Variants in RAD51B observed in about 807,000 individuals in gnomAD.
The protein encoded by RAD51B is DNA repair protein RAD51 homolog 2.
Under a neutral mutation model 42.2 loss-of-function variants are expected in RAD51B, and 38 were observed. The ratio of observed to expected loss-of-function variants is 0.90; its 90% confidence interval spans 0.70 to 1.18. RAD51B has a LOEUF of 1.18. Ranked by LOEUF, RAD51B falls within the 50% of genes most tolerant of loss-of-function variation. RAD51B has a pLI of 0.00. For missense variants in RAD51B, 373 were observed against 400.7 expected (o/e 0.93, Z 0.59); for synonymous variants, 154 against 145.2 (o/e 1.06, Z -0.43).
chr14:68,026,699 A>G (rs1217568682), intron 7 of RAD51B, among the ~76,000 whole-genome samples: 1 of 151,654 alleles, frequency 6.6e-6, no homozygotes, highest in African/African-American at 2.4e-5. Flanking sequence ...TGCATGCTAG[A>G]TCTTTCTTTA....
At chr14:67,922,219 T>C (rs2044349502) in intron 7 of RAD51B, among the ~76,000 whole-genome samples, 1 of 152,208 alleles carries the variant, frequency 6.6e-6, no homozygotes, top group Admixed American at 6.5e-5. Flanking sequence ...TTGGTAGAGT[T>C]GGTTGAATGC....
intron 7 of RAD51B, among the ~76,000 whole-genome samples, chr14:68,006,560 A>G (rs541001284): frequency 3.3e-5 from 5 of 152,244 alleles, no homozygotes; most frequent in Admixed American, 2.6e-4. Flanking sequence ...CTGGTAGCAT[A>G]CTTTACATAC....
At chr14:67,941,499 T>A (rs2045206155) in intron 7 of RAD51B, among the ~76,000 whole-genome samples, 1 of 152,236 alleles carries the variant, frequency 6.6e-6, no homozygotes, top group South Asian at 2.1e-4. Context: ...AAGTGAATTC[T>A]GCTCACTGTT....
intron 8 of RAD51B, among the ~76,000 whole-genome samples, chr14:68,354,876 C>T (rs913599746): frequency 6.6e-6 from 1 of 152,062 alleles, no homozygotes; most frequent in Non-Finnish European, 1.5e-5. Flanking sequence ...ACGTGGGAGC[C>T]CCATTTCAAG....
rs187481521 is a variant in RAD51B, at chr14:67,847,248, G to C, written c.315+12052G>C. Reference sequence around the variant, plus strand: ...CATGTGTTCCTCCTGGCTGCGTCTAGTTGGCCATCTTGCCCCAGGGTCTTC... The same window carrying C: ...CATGTGTTCCTCCTGGCTGCGTCTACTTGGCCATCTTGCCCCAGGGTCTTC... On this transcript the variant is annotated intron_variant, in intron 4 of 10. Coordinates refer to ENST00000471583, the MANE Select transcript of RAD51B (RefSeq NM_133510.4). Among the ~76,000 whole-genome samples, 3 of 151,258 alleles carry C rather than the reference G, an allele frequency of 2.0e-5. No individual in the cohort carries two copies. The East Asian group carries it at 5.8e-4, about 29-fold the overall frequency.
chr14:68,561,151 C>A (rs1393032557), intron 10 of RAD51B, among the ~76,000 whole-genome samples: 1 of 152,234 alleles, frequency 6.6e-6, no homozygotes, highest in South Asian at 2.1e-4. Context: ...CAGCTGAGAA[C>A]TCCCATGCTG....
At chr14:68,625,090 G>T (rs1170437121) in intron 10 of RAD51B, among the ~76,000 whole-genome samples, 1 of 152,202 alleles carries the variant, frequency 6.6e-6, no homozygotes, top group Non-Finnish European at 1.5e-5. Context: ...AAGTGGTGGA[G>T]CTGGGACCTG....
chr14:68,623,861 T>C (rs1892010018), intron 10 of RAD51B, among the ~76,000 whole-genome samples: 1 of 152,248 alleles, frequency 6.6e-6, no homozygotes, highest in African/African-American at 2.4e-5. Flanking sequence ...TACTGAGATG[T>C]ACTAGGGAAA....
chr14:67,887,578 T>G (rs564039539), intron 7 of RAD51B: 2 of 161,390 alleles, frequency 1.2e-5, no homozygotes, highest in East Asian at 3.6e-4. Context: ...TATTTCTATA[T>G]AATTAAAAAA....
At chr14:68,676,708 A>G (rs1001008902) in intron 11 of RAD51B, among the ~76,000 whole-genome samples, 2 of 152,258 alleles carry the variant, frequency 1.3e-5, no homozygotes, top group African/African-American at 2.4e-5. Context: ...TGAGGAATCC[A>G]GCCAGGGAAG....
intron 7 of RAD51B, among the ~76,000 whole-genome samples, chr14:68,237,048 T>C (rs1414394744): frequency 6.6e-6 from 1 of 152,256 alleles, no homozygotes; most frequent in Non-Finnish European, 1.5e-5. Context: ...ATTCACCTGC[T>C]ATTTCAATTA....
chr14:67,832,834 T>C (rs1400669170), intron 3 of RAD51B, among the ~76,000 whole-genome samples: 1 of 152,068 alleles, frequency 6.6e-6, no homozygotes, highest in African/African-American at 2.4e-5. Flanking sequence ...AGCAGACCAT[T>C]AACAAAGGGA....
chr14:68,630,047 T>C (rs1892189224), intron 10 of RAD51B, among the ~76,000 whole-genome samples: 2 of 152,228 alleles, frequency 1.3e-5, no homozygotes, highest in South Asian at 4.1e-4. Context: ...AAAATTCTTA[T>C]CACGTCAGGG....
chr14:68,557,580 T>C (rs1888919551), intron 10 of RAD51B, among the ~76,000 whole-genome samples: 1 of 152,224 alleles, frequency 6.6e-6, no homozygotes, highest in African/African-American at 2.4e-5. Flanking sequence ...ATGGAGCCCC[T>C]AAATCATTGC....
intron 7 of RAD51B, among the ~76,000 whole-genome samples, chr14:68,111,166 G>T (rs1356804294): frequency 6.6e-6 from 1 of 151,988 alleles, no homozygotes; most frequent in Non-Finnish European, 1.5e-5. Flanking sequence ...CACCATTTCG[G>T]CAGGACAGTA....
downstream of RAD51B, among the ~76,000 whole-genome samples, chr14:68,616,493 T>G (rs1002218189): frequency 2.0e-5 from 3 of 152,216 alleles, no homozygotes; most frequent in Non-Finnish European, 4.4e-5. Context: ...ACAGCTTTTT[T>G]CAGACTACTT....
chr14:68,520,515 T>C (rs1356748627), intron 10 of RAD51B, among the ~76,000 whole-genome samples: 1 of 152,204 alleles, frequency 6.6e-6, no homozygotes, highest in African/African-American at 2.4e-5. Context: ...GTTCTAACTG[T>C]TCAGGGCTTT....
At chr14:68,655,419 G>T (rs540597003) in intron 11 of RAD51B, among the ~76,000 whole-genome samples, 22 of 152,244 alleles carry the variant, frequency 1.4e-4, no homozygotes, top group Non-Finnish European at 2.9e-4. Context: ...GGGTGTGGGG[G>T]AAGCGAGCTA....
intron 7 of RAD51B, among the ~76,000 whole-genome samples, chr14:67,913,987 AT>A (rs553886634): frequency 4.1e-4 from 60 of 144,960 alleles, no homozygotes; most frequent in Admixed American, 6.9e-4. Flanking sequence ...CATGAGTTCA[AT>A]TTTTTTTTTT....
Sources: gnomAD v4.1 joint callset for allele counts (sites outside exome capture counted in the v4.1 genomes callset) on GRCh38, gnomAD v4.1.1 for gene constraint, MANE v1.5 for transcripts, NCBI Gene and HGNC (gene_info 2026-07-23, HGNC 2026-07-21) for gene names.